Variants in RFX4 observed in about 807,000 individuals in gnomAD.
RFX4 encodes the protein regulatory factor X4.
Under a neutral mutation model 95.0 loss-of-function variants are expected in RFX4, and 10 were observed. The ratio of observed to expected loss-of-function variants is 0.11; its 90% CI spans 0.06 to 0.18. The LOEUF (loss-of-function observed/expected upper bound fraction) is 0.18, where lower values mean the gene tolerates loss of function less well. Ranked by LOEUF, RFX4 falls within the 10% of genes least tolerant of loss-of-function variation. The probability of loss-of-function intolerance (pLI) is 1.00; values close to 1 mark genes in which losing one functional copy is unlikely to be tolerated. For missense variants in RFX4, 640 were observed against 922.0 expected (o/e 0.69, Z 3.96); for synonymous variants, 321 against 340.7 (o/e 0.94, Z 0.64).
Position 106,747,532 on chromosome 12 carries a change from A to G in RFX4, c.1729A>G (p.Asn577Asp). 1.2e-6 allele frequency: 2 copies of G among 1,614,130 alleles called. No homozygotes were observed. Among genetic ancestry groups the G allele is most frequent in the Non-Finnish European group, 1.7e-6 (2 of 1,180,008 alleles). ...ENSQQLPCMRNTHVPSSSVTH... is the reference protein window; with the variant it reads ...ENSQQLPCMRDTHVPSSSVTH... Reference sequence around the variant, plus strand: ...CTCCCAACAGCTGCCCTGTATGAGGAACACTCATGTGCCTTCTTCCTCCGT... The same window carrying G: ...CTCCCAACAGCTGCCCTGTATGAGGGACACTCATGTGCCTTCTTCCTCCGT... The change falls in exon 16 of 18, where the codon AAC becomes GAC. Residue 577 changes from asparagine to aspartate, a missense_variant. By Grantham distance (23) the Asn-to-Asp change is conservative. Coordinates refer to ENST00000392842, the MANE Select transcript of RFX4 (RefSeq NM_213594.3).
intron 4 of RFX4, among the ~76,000 whole-genome samples, chr12:106,676,351 C>T (rs995078374): frequency 6.6e-6 from 1 of 152,086 alleles, no homozygotes; most frequent in African/African-American, 2.4e-5. Context: ...TTGGACAGAA[C>T]CTCGAGTTCA....
intron 7 of RFX4, among the ~76,000 whole-genome samples, chr12:106,695,505 C>A (rs981904673): frequency 6.6e-6 from 1 of 152,172 alleles, no homozygotes; most frequent in African/African-American, 2.4e-5. Context: ...CTCTGCCCTT[C>A]GTTCAGTAAC....
intron 15 of RFX4, among the ~76,000 whole-genome samples, chr12:106,738,174 T>TC (rs2042746826): frequency 6.6e-6 from 1 of 152,202 alleles, no homozygotes; most frequent in Admixed American, 6.5e-5. Context: ...AATATCCCTG[T>TC]CATCACCAGG....
At chr12:106,723,891 T>C (rs1169040246) in intron 13 of RFX4, among the ~76,000 whole-genome samples, 3 of 152,192 alleles carry the variant, frequency 2.0e-5, no homozygotes, top group Non-Finnish European at 4.4e-5. Context: ...CTCAGGGAAG[T>C]GGCAGATTGA....
rs1434563391 is a variant in RFX4 at position 106,720,703 on chromosome 12, C to T, written c.1234-56C>T. Reference sequence around the variant, plus strand: ...CAACCGGCCTCATTTTTCAAAGAGACAGTAATAAATGAAAGGTCAAGTCGA... The same window carrying T: ...CAACCGGCCTCATTTTTCAAAGAGATAGTAATAAATGAAAGGTCAAGTCGA... On this transcript the variant is annotated intron_variant, in intron 12 of 17. Transcript: ENST00000392842. The surrounding 1 kb of genome is among the most constrained non-coding windows in gnomAD (Gnocchi z 4.2). 6 of 1,525,918 alleles carry T rather than the reference C, an allele frequency of 3.9e-6. No homozygotes were observed. The highest frequency in any genetic ancestry group is 4.5e-6 in the Non-Finnish European group (5 of 1,100,588). 94.5% of individuals were successfully genotyped at this position (1,525,918 alleles called of 1,614,324 possible).
intron 15 of RFX4, among the ~76,000 whole-genome samples, chr12:106,741,037 A>G (rs1829881668): frequency 6.6e-6 from 1 of 152,218 alleles, no homozygotes; most frequent in Admixed American, 6.5e-5. Flanking sequence ...GGCAGAGGCT[A>G]GATTATGCAG....
At chr12:106,590,463 A>G (rs1000612170) in intron 1 of RFX4, among the ~76,000 whole-genome samples, 4 of 152,236 alleles carry the variant, frequency 2.6e-5, no homozygotes, top group Non-Finnish European at 4.4e-5. Context: ...AATTGAAACT[A>G]GAAGCTGACA....
intron 9 of RFX4, 105 bp downstream of exon 9, chr12:106,709,535 C>T: frequency 1.3e-6 from 1 of 754,198 alleles, no homozygotes; most frequent in Non-Finnish European, 2.2e-6. Context: ...TACTGGTTGA[C>T]TATAAAGCAC....
chr12:106,657,550 A>G (rs1394174328), intron 4 of RFX4, among the ~76,000 whole-genome samples: 1 of 152,206 alleles, frequency 6.6e-6, no homozygotes, highest in Non-Finnish European at 1.5e-5. Context: ...TTTAGGGAGT[A>G]TAGAGAATGT....
intron 4 of RFX4, among the ~76,000 whole-genome samples, chr12:106,656,912 C>T (rs2040972031): frequency 6.6e-6 from 1 of 152,226 alleles, no homozygotes; most frequent in South Asian, 2.1e-4. Context: ...ATCTTATCTT[C>T]AGCCTTAAAA....
At chr12:106,669,488 A>G (rs1160838089) in intron 4 of RFX4, among the ~76,000 whole-genome samples, 1 of 151,938 alleles carries the variant, frequency 6.6e-6, no homozygotes. Context: ...TGTTCTGGGG[A>G]CCTGTGCTTC....
intron 3 of RFX4, chr12:106,645,735 G>A (rs538882418): frequency 6.4e-5 from 25 of 390,322 alleles, no homozygotes; most frequent in Non-Finnish European, 9.5e-5. Context: ...GGATGTAACC[G>A]ATAACTGACA....
chr12:106,698,221 G>T (rs558899408), intron 8 of RFX4, among the ~76,000 whole-genome samples: 1 of 151,890 alleles, frequency 6.6e-6, no homozygotes, highest in Non-Finnish European at 1.5e-5. Context: ...CGATCCAACC[G>T]CCTCAGCCTC....
At chr12:106,715,762 G>A (rs558498558) in intron 11 of RFX4, among the ~76,000 whole-genome samples, 9 of 152,206 alleles carry the variant, frequency 5.9e-5, no homozygotes, top group African/African-American at 2.2e-4. Flanking sequence ...GAGTGTTCTG[G>A]TGCAATTGGG....
chr12:106,659,037 T>C (rs1265730060), intron 4 of RFX4, among the ~76,000 whole-genome samples: 1 of 152,238 alleles, frequency 6.6e-6, no homozygotes, highest in East Asian at 1.9e-4. Flanking sequence ...AGTTTGTCTA[T>C]GGCCCACTTC....
intron 4 of RFX4, among the ~76,000 whole-genome samples, chr12:106,655,158 CA>C (rs1451341888): frequency 6.6e-6 from 1 of 152,026 alleles, no homozygotes; most frequent in Non-Finnish European, 1.5e-5. Flanking sequence ...TTCAGATCCC[CA>C]AAAGATAAAT....
chr12:106,645,017 C>T (rs2040714870), intron 3 of RFX4, among the ~76,000 whole-genome samples: 1 of 152,260 alleles, frequency 6.6e-6, no homozygotes, highest in African/African-American at 2.4e-5. Flanking sequence ...CCTTCTTCCC[C>T]TTCCTTGCCA....
intron 5 of RFX4, 73 bp downstream of exon 5, chr12:106,682,127 C>G: frequency 6.7e-7 from 1 of 1,486,692 alleles, no homozygotes; most frequent in Non-Finnish European, 9.4e-7. Context: ...ACCCTTGGCT[C>G]TTTATCCTGA....
At chr12:106,633,102 G>A (rs1000911644) in intron 2 of RFX4, among the ~76,000 whole-genome samples, 4 of 152,194 alleles carry the variant, frequency 2.6e-5, no homozygotes, top group Admixed American at 2.6e-4. Flanking sequence ...TCAGGCCTGG[G>A]TGTGACACAC....
Sources: gnomAD v4.1 joint callset for allele counts (sites outside exome capture counted in the v4.1 genomes callset) on GRCh38, gnomAD v4.1.1 for gene constraint, Gnocchi (gnomAD v3.1) non-coding constraint, MANE v1.5 for transcripts, NCBI Gene and HGNC (gene_info 2026-07-23, HGNC 2026-07-21) for gene names.